Variants in CNGB3 observed in about 807,000 individuals in gnomAD.
CNGB3 encodes the protein cyclic nucleotide-gated channel beta-3.
Under a neutral mutation model 92.8 loss-of-function variants are expected in CNGB3, and 86 were observed. The ratio of observed to expected loss-of-function variants is 0.93; its 90% confidence interval spans 0.78 to 1.11. The LOEUF is 1.11. CNGB3 is among the 50% of genes least tolerant of loss of function. The pLI is 0.00. For synonymous variants in CNGB3, 333 were observed against 332.7 expected, an observed-to-expected ratio of 1.00 and a Z score of -0.01; for missense variants, 1,026 against 956.8, an observed-to-expected ratio of 1.07 and a Z score of -0.95.
At chr8:86,662,323 T>G (rs892352853) in intron 6 of CNGB3, among the ~76,000 whole-genome samples, 4 of 152,168 alleles carry the variant, frequency 2.6e-5, no homozygotes, top group Admixed American at 2.6e-4. Context: ...ATTCACTCCT[T>G]CAAACATTTC....
At chr8:86,686,480 C>G (rs1243492777) in intron 3 of CNGB3, among the ~76,000 whole-genome samples, 1 of 152,058 alleles carries the variant, frequency 6.6e-6, no homozygotes, top group East Asian at 1.9e-4. Flanking sequence ...ACTGCAAAAG[C>G]AGTGTAAAAG....
chr8:86,609,319 G>T (rs1433438809), intron 14 of CNGB3, among the ~76,000 whole-genome samples: 3 of 152,144 alleles, frequency 2.0e-5, no homozygotes, highest in Non-Finnish European at 4.4e-5. Flanking sequence ...CTGCCCCCAA[G>T]GGGTTCTTGG....
chr8:86,579,044 T>A, intron 16 of CNGB3, 62 bp downstream of exon 16: 1 of 1,600,908 alleles, frequency 6.2e-7, no homozygotes. Context: ...GTTCTCCCTA[T>A]CTCAGAGTTT....
intron 3 of CNGB3, among the ~76,000 whole-genome samples, chr8:86,671,919 AG>A (rs1418130000): frequency 2.6e-5 from 4 of 152,284 alleles, no homozygotes; most frequent in Admixed American, 1.3e-4. Context: ...GAGCCCACTC[AG>A]ACTTCTGATT....
chr8:86,670,489 C>G lies in CNGB3; in HGVS notation c.493+455G>C, dbSNP rs574801518. ...CAGCACCAACCAGTTTCCTCCTCTTCCATTCAAGTAATTTTCAAGTATGAG... is the reference window on the plus strand; with the variant it reads ...CAGCACCAACCAGTTTCCTCCTCTTGCATTCAAGTAATTTTCAAGTATGAG... On this transcript the variant is annotated intron_variant, in intron 4 of 17. Transcript: ENST00000320005. Among the ~76,000 whole-genome samples, 18 of 152,224 alleles carry G rather than the reference C, an allele frequency of 1.2e-4. No homozygotes were observed. The East Asian group carries it at 3.5e-3, about 29-fold the overall frequency.
chr8:86,720,968 AATT>A (rs1318437151), intron 3 of CNGB3, among the ~76,000 whole-genome samples: 2 of 150,844 alleles, frequency 1.3e-5, no homozygotes, highest in South Asian at 4.2e-4. Flanking sequence ...TAATAATAAT[AATT>A]ATTATTATTT....
chr8:86,575,768 G>A lies in CNGB3; in HGVS notation c.*36C>T. The A allele has an allele frequency of 1.3e-6, 2 of 1,565,466 alleles. No homozygotes were observed. Among genetic ancestry groups the A allele is most frequent in the East Asian group, 2.2e-5 (1 of 44,588 alleles). ...ACAATCCTAGGTACAATCACTTTGG[G>A]AACTAGCTATATCACATCTAAAGAT... is the stretch of plus-strand genomic sequence containing the variant. On this transcript the variant is annotated 3_prime_UTR_variant, in exon 18 of 18. Transcript: ENST00000320005.
chr8:86,665,600 A>G (rs1737975870), intron 6 of CNGB3, among the ~76,000 whole-genome samples: 1 of 152,220 alleles, frequency 6.6e-6, no homozygotes, highest in Non-Finnish European at 1.5e-5. Flanking sequence ...TTGCAGGAAC[A>G]TGGATGCAGC....
At chr8:86,694,697 C>A (rs565362684) in intron 3 of CNGB3, among the ~76,000 whole-genome samples, 3 of 146,744 alleles carry the variant, frequency 2.0e-5, no homozygotes, top group African/African-American at 7.7e-5. Flanking sequence ...ACATCTCAGA[C>A]GATGGGTGGC....
At chr8:86,623,937 C>G (rs1443717854) in intron 13 of CNGB3, among the ~76,000 whole-genome samples, 1 of 152,162 alleles carries the variant, frequency 6.6e-6, no homozygotes, top group Non-Finnish European at 1.5e-5. Flanking sequence ...TTCAATAACC[C>G]TGGGTCTGTT....
At chr8:86,619,559 A>T (rs1172593091) in intron 13 of CNGB3, among the ~76,000 whole-genome samples, 3 of 152,088 alleles carry the variant, frequency 2.0e-5, no homozygotes, top group African/African-American at 7.2e-5. Context: ...TTTAGTGAAA[A>T]TCTGTGACTC....
At chr8:86,657,141 C>A (rs1335353169) in intron 6 of CNGB3, among the ~76,000 whole-genome samples, 1 of 152,182 alleles carries the variant, frequency 6.6e-6, no homozygotes, top group Non-Finnish European at 1.5e-5. Context: ...AGGCCTCCTG[C>A]AAATAAATCA....
At chr8:86,601,899 T>G (rs1271764472) in intron 15 of CNGB3, among the ~76,000 whole-genome samples, 1 of 152,192 alleles carries the variant, frequency 6.6e-6, no homozygotes, top group Non-Finnish European at 1.5e-5. Context: ...AAATGGGTAA[T>G]AGGAGATTTA....
At chr8:86,646,323 G>A (rs1461861083) in intron 8 of CNGB3, among the ~76,000 whole-genome samples, 1 of 150,948 alleles carries the variant, frequency 6.6e-6, no homozygotes, top group African/African-American at 2.4e-5. Context: ...TTGGAAATAT[G>A]GGATAAAGAA....
At chr8:86,728,285 T>G (rs1197660203) in intron 2 of CNGB3, among the ~76,000 whole-genome samples, 3 of 152,164 alleles carry the variant, frequency 2.0e-5, no homozygotes, top group African/African-American at 7.2e-5. Context: ...AGTTGTAGGA[T>G]AGGGACCCTT....
chr8:86,735,301 C>G (rs1386422901), intron 2 of CNGB3, among the ~76,000 whole-genome samples: 6 of 151,408 alleles, frequency 4.0e-5, no homozygotes, highest in Admixed American at 1.3e-4. Context: ...CACCACCATG[C>G]CTGGCTAATT....
chr8:86,621,376 G>A (rs1455294577), intron 13 of CNGB3, among the ~76,000 whole-genome samples: 1 of 152,062 alleles, frequency 6.6e-6, no homozygotes, highest in African/African-American at 2.4e-5. Flanking sequence ...ATGTATATGT[G>A]ATTTTAAAAA....
chr8:86,578,059 G>A (rs1418046764), intron 17 of CNGB3, among the ~76,000 whole-genome samples: 1 of 152,014 alleles, frequency 6.6e-6, no homozygotes, highest in Non-Finnish European at 1.5e-5. Context: ...ACAGGTGTGT[G>A]CCACCATGCC....
At chr8:86,661,860 G>A in intron 6 of CNGB3, 2 of 1,230,198 alleles carry the variant, frequency 1.6e-6, no homozygotes. Context: ...CAGAACTGAT[G>A]TCAGATTTGG....
Sources: gnomAD v4.1 joint callset for allele counts (sites outside exome capture counted in the v4.1 genomes callset) on GRCh38, gnomAD v4.1.1 for gene constraint, MANE v1.5 for transcripts, NCBI Gene and HGNC (gene_info 2026-07-23, HGNC 2026-07-21) for gene names.